KCNT2: variants seen among roughly 807,000 people sequenced by gnomAD.
KCNT2 encodes potassium sodium-activated channel subfamily T member 2.
A neutral mutation model predicts 153.8 loss-of-function variants in KCNT2; 67 were observed. The observed-to-expected ratio is 0.44, with a 90% CI of 0.36 to 0.53. KCNT2 has a LOEUF of 0.53. KCNT2 is among the 20% of genes least tolerant of loss of function. The pLI, the probability that KCNT2 is intolerant of heterozygous loss-of-function variation, is 0.00. For missense variants in KCNT2, 975 were observed against 1,354.8 expected, an observed-to-expected ratio of 0.72 and a Z score of 4.40; for synonymous variants, 500 against 458.8, an observed-to-expected ratio of 1.09 and a Z score of -1.15.
intron 26 of KCNT2, among the ~76,000 whole-genome samples, chr1:196,241,303 G>A (rs1048443345): frequency 6.6e-6 from 1 of 151,990 alleles, no homozygotes; most frequent in Non-Finnish European, 1.5e-5. Context: ...GCATAATCTA[G>A]TGAAGATTTC....
intron 8 of KCNT2, among the ~76,000 whole-genome samples, chr1:196,430,124 T>A (rs183536386): frequency 6.6e-6 from 1 of 152,078 alleles, no homozygotes; most frequent in Non-Finnish European, 1.5e-5. Context: ...TCTTTTTTTT[T>A]ATAATTTTTT....
At chr1:196,465,454 T>G in intron 7 of KCNT2, 67 bp from the exon 8 acceptor site, 1 of 845,654 alleles carries the variant, frequency 1.2e-6, no homozygotes, top group Non-Finnish European at 2.1e-6. Flanking sequence ...TTTCATTACA[T>G]TTATTAGCAT....
chr1:196,482,399 AAGTT>A lies in KCNT2; in HGVS notation c.276-24_276-21del. ...TGAGACCTATAAAAAGAATAATAAT[AAGTT>A]AGTTTTTTAAAATATGAAAAATCTA... On this transcript the variant is annotated intron_variant, in intron 3 of 27. Transcript: ENST00000294725. 1.5e-6 allele frequency: 2 copies of A among 1,359,876 alleles called. No homozygotes were observed. Among genetic ancestry groups the A allele is most frequent in the Non-Finnish European group, 2.0e-6 (2 of 1,014,910 alleles). The allele number at this position is 1,359,876 out of a possible 1,614,324, so 84.2% of individuals were successfully genotyped here.
At chr1:196,438,209 A>C (rs934276280) in intron 8 of KCNT2, among the ~76,000 whole-genome samples, 2 of 151,818 alleles carry the variant, frequency 1.3e-5, no homozygotes, top group Non-Finnish European at 2.9e-5. Flanking sequence ...GAATAATAAA[A>C]ATGAATCAAA....
intron 8 of KCNT2, among the ~76,000 whole-genome samples, chr1:196,436,868 T>C (rs995449169): frequency 1.3e-5 from 2 of 148,696 alleles, no homozygotes; most frequent in African/African-American, 4.9e-5. Context: ...TTAAATTATA[T>C]ATTACATTAA....
intron 8 of KCNT2, among the ~76,000 whole-genome samples, chr1:196,433,906 G>A (rs1025908554): frequency 1.3e-5 from 2 of 152,022 alleles, no homozygotes; most frequent in African/African-American, 4.8e-5. Context: ...AAGAGAGAAA[G>A]GAAGATACAT....
intron 26 of KCNT2, among the ~76,000 whole-genome samples, chr1:196,245,256 C>T (rs554856894): frequency 4.7e-4 from 71 of 151,932 alleles, no homozygotes; most frequent in African/African-American, 1.3e-3. Context: ...TTTGGGAAGC[C>T]GAGGTGGGAG....
Position 196,425,094 on chromosome 1 carries a change from T to C in KCNT2, c.1121+758A>G, listed in dbSNP as rs139952466. Among the ~76,000 whole-genome samples, 421 of 152,108 alleles carry C rather than the reference T, an allele frequency of 2.8e-3. 1 individual carries two copies. The highest frequency in any genetic ancestry group is 9.7e-3 in the African/African-American group (403 of 41,532). On this transcript the variant is annotated intron_variant, in intron 11 of 27. Transcript: ENST00000294725. ...AAACTTTAAAAACAGCAGAAAATAT[T>C]GAGCAAAACCACTTTTGTTGAAGAT...
At chr1:196,288,797 T>A (rs908890836) in intron 22 of KCNT2, among the ~76,000 whole-genome samples, 1 of 152,054 alleles carries the variant, frequency 6.6e-6, no homozygotes, top group Non-Finnish European at 1.5e-5. Flanking sequence ...ACAAGTTGAT[T>A]TGGACTTGGG....
chr1:196,292,993 T>A (rs1003243949), intron 22 of KCNT2, among the ~76,000 whole-genome samples: 2 of 151,052 alleles, frequency 1.3e-5, no homozygotes, highest in Non-Finnish European at 3.0e-5. Flanking sequence ...ACAAACTACC[T>A]GAAAAAATAA....
In KCNT2 at chr1:196,301,834, G is replaced by A. The variant is rs541630079; in HGVS notation, c.2595+3400C>T. On this transcript the variant is annotated intron_variant, in intron 22 of 27. Transcript: ENST00000294725. ...GGCTCACTACACCTTCCACCTCCTG[G>A]ATTCAAGCGATTCTCATGCCTTAGC... Among the ~76,000 whole-genome samples, 15 of 152,262 alleles carry A rather than the reference G, an allele frequency of 9.9e-5. No individual in the cohort carries two copies. The South Asian group carries it at 3.1e-3, about 32-fold the overall frequency.
At chr1:196,434,462 T>A (rs116103938) in intron 8 of KCNT2, among the ~76,000 whole-genome samples, 2 of 152,126 alleles carry the variant, frequency 1.3e-5, no homozygotes, top group East Asian at 1.9e-4. Context: ...CCAGGTCTTT[T>A]GTTTGTCCTT....
At chr1:196,306,577 C>A (rs941822085) in intron 21 of KCNT2, among the ~76,000 whole-genome samples, 1 of 152,062 alleles carries the variant, frequency 6.6e-6, no homozygotes, top group Admixed American at 6.6e-5. Flanking sequence ...AGTGTGCCCA[C>A]CCTACTGCTC....
intron 25 of KCNT2, among the ~76,000 whole-genome samples, chr1:196,276,455 G>T (rs947633092): frequency 1.3e-5 from 2 of 151,900 alleles, no homozygotes; most frequent in African/African-American, 4.8e-5. Context: ...GATGCATCAG[G>T]ATTAATCTTC....
chr1:196,228,202 A>G lies in KCNT2; in HGVS notation c.*22T>C, dbSNP rs890182606. On this transcript the variant is annotated 3_prime_UTR_variant, in exon 28 of 28. Coordinates refer to ENST00000294725, the MANE Select transcript of KCNT2 (RefSeq NM_198503.5). ...TTTCAAGCAAGGTCTTTGTAGGAAA[A>G]AAGTTTCTCATTTTATTTTTATCAA... 1 of 1,471,510 alleles carries G rather than the reference A, an allele frequency of 6.8e-7. No individual in the cohort carries two copies. Among genetic ancestry groups the G allele is most frequent in the Non-Finnish European group, 9.5e-7 (1 of 1,055,340 alleles). The allele number at this position is 1,471,510 out of a possible 1,614,324, so 91.2% of individuals were successfully genotyped here.
intron 12 of KCNT2, among the ~76,000 whole-genome samples, chr1:196,422,208 A>G (rs1380572871): frequency 6.6e-6 from 1 of 152,024 alleles, no homozygotes; most frequent in South Asian, 2.1e-4. Flanking sequence ...CCCATTCAGG[A>G]CTTACAGTCC....
intron 1 of KCNT2, among the ~76,000 whole-genome samples, chr1:196,556,612 C>T (rs1410339892): frequency 6.6e-6 from 1 of 151,292 alleles, no homozygotes; most frequent in East Asian, 1.9e-4. Flanking sequence ...CCATACAGTC[C>T]AACAATCCCA....
intron 13 of KCNT2, among the ~76,000 whole-genome samples, chr1:196,395,978 A>G (rs899126385): frequency 6.6e-6 from 1 of 151,632 alleles, no homozygotes; most frequent in Non-Finnish European, 1.5e-5. Flanking sequence ...TAAAGTAATT[A>G]TTATTTTATC....
intron 3 of KCNT2, among the ~76,000 whole-genome samples, chr1:196,483,765 G>T (rs1402665672): frequency 6.6e-6 from 1 of 152,032 alleles, no homozygotes; most frequent in Non-Finnish European, 1.5e-5. Flanking sequence ...TTGTATATGT[G>T]TTTCTTTAAT....
Sources: gnomAD v4.1 joint callset for allele counts (sites outside exome capture counted in the v4.1 genomes callset) on GRCh38, gnomAD v4.1.1 for gene constraint, MANE v1.5 for transcripts, NCBI Gene and HGNC (gene_info 2026-07-23, HGNC 2026-07-21) for gene names.